Variants in ZNF536 observed in about 807,000 individuals in gnomAD.
The protein encoded by ZNF536 is zinc finger protein 536.
A neutral mutation model predicts 84.5 loss-of-function variants in ZNF536; 13 were observed. The ratio of observed to expected loss-of-function variants is 0.15; its 90% CI spans 0.10 to 0.24. ZNF536 has a LOEUF of 0.24. ZNF536 is among the 10% of genes least tolerant of loss of function. The probability of loss-of-function intolerance (pLI) is 1.00; values close to 1 mark genes in which losing one functional copy is unlikely to be tolerated. For synonymous variants in ZNF536, 811 were observed against 742.5 expected (o/e 1.09, Z -1.50); for missense variants, 1,536 against 1,747.5 (o/e 0.88, Z 2.16).
intron 1 of ZNF536, among the ~76,000 whole-genome samples, chr19:30,241,430 G>C (rs2023934815): frequency 6.6e-6 from 1 of 152,240 alleles, no homozygotes. Flanking sequence ...ATGGGAGTGG[G>C]GGTGGCTGTA....
intron 1 of ZNF536, among the ~76,000 whole-genome samples, chr19:30,440,366 G>A (rs1170931198): frequency 6.6e-6 from 1 of 152,072 alleles, no homozygotes; most frequent in African/African-American, 2.4e-5. Flanking sequence ...ATGGACTTGT[G>A]CGAAGGCTGA....
chr19:30,330,140 G>C (rs954434212), intron 2 of ZNF536, among the ~76,000 whole-genome samples: 3 of 152,056 alleles, frequency 2.0e-5, no homozygotes, highest in African/African-American at 4.8e-5. Flanking sequence ...CTTTGAGTTG[G>C]GTTAATATGG....
At chr19:30,230,060 T>C (rs73021604) in intron 1 of ZNF536, among the ~76,000 whole-genome samples, 23,831 of 152,216 alleles carry the variant, frequency 0.16, 1,940 homozygotes, top group Middle Eastern at 0.23. Flanking sequence ...GCAGGGACTC[T>C]GAGACCATTG....
At chr19:30,612,836 T>G (rs2048148767) in intron 1 of ZNF536, among the ~76,000 whole-genome samples, 1 of 152,206 alleles carries the variant, frequency 6.6e-6, no homozygotes, top group Admixed American at 6.5e-5. Context: ...TCTATAGACC[T>G]TGTTAAAATT....
chr19:30,316,616 C>T (rs2046685963), intron 2 of ZNF536, among the ~76,000 whole-genome samples: 1 of 152,100 alleles, frequency 6.6e-6, no homozygotes, highest in South Asian at 2.1e-4. Flanking sequence ...GGAGGGTTGG[C>T]TACAAAGACG....
intron 1 of ZNF536, among the ~76,000 whole-genome samples, chr19:30,582,429 G>A (rs1452843212): frequency 7.6e-6 from 1 of 131,454 alleles, no homozygotes; most frequent in South Asian, 2.4e-4. Flanking sequence ...TCACCCAGGT[G>A]CAAATGACCA....
intron 1 of ZNF536, among the ~76,000 whole-genome samples, chr19:30,248,745 C>G (rs1310819961): frequency 6.6e-6 from 1 of 152,120 alleles, no homozygotes; most frequent in African/African-American, 2.4e-5. Flanking sequence ...GTATGTCTGG[C>G]TTTTGACCTT....
intron 1 of ZNF536, among the ~76,000 whole-genome samples, chr19:30,389,088 G>A (rs1409071997): frequency 6.6e-6 from 1 of 152,248 alleles, no homozygotes; most frequent in African/African-American, 2.4e-5. Context: ...ACAAGACTGA[G>A]TGTCAGGCCT....
intron 1 of ZNF536, among the ~76,000 whole-genome samples, chr19:30,379,488 T>C (rs2048939896): frequency 6.6e-6 from 1 of 151,938 alleles, no homozygotes; most frequent in African/African-American, 2.4e-5. Flanking sequence ...GTGGGGTTGA[T>C]TCCTGTCGCC....
intron 1 of ZNF536, among the ~76,000 whole-genome samples, chr19:30,249,066 G>T (rs1041854160): frequency 1.3e-5 from 2 of 152,190 alleles, no homozygotes; most frequent in African/African-American, 4.8e-5. Flanking sequence ...AAGGATGCCT[G>T]TGGAGAAGTT....
chr19:30,476,897 T>C (rs2053870627), intron 2 of ZNF536, among the ~76,000 whole-genome samples: 1 of 151,914 alleles, frequency 6.6e-6, no homozygotes, highest in African/African-American at 2.4e-5. Context: ...TTTCTGTCAC[T>C]CCTCAGAATG....
rs557261627 is a variant in ZNF536, at chr19:30,397,803, A to G, written c.-3+25247A>G. Among the ~76,000 whole-genome samples the G allele has an allele frequency of 8.5e-5, 13 of 152,334 alleles. No individual in the cohort carries two copies. The South Asian group carries it at 2.5e-3, about 29-fold the overall frequency. The stretch of plus-strand genomic sequence containing the variant: ...GTCTGAAAAGACCCTCATCCCTACA[A>G]GAAAGTAACCAGTGTTCAGAAATAA... On this transcript the variant is annotated intron_variant, in intron 1 of 4. Coordinates refer to ENST00000355537, the MANE Select transcript of ZNF536 (RefSeq NM_014717.3).
chr19:30,537,818 G>A (rs757503815), intron 3 of ZNF536, among the ~76,000 whole-genome samples: 2 of 152,128 alleles, frequency 1.3e-5, no homozygotes, highest in African/African-American at 2.4e-5. Flanking sequence ...AAACTTCCTA[G>A]AATCAGAGAG....
chr19:30,391,481 C>T (rs2049587497), intron 1 of ZNF536, among the ~76,000 whole-genome samples: 1 of 152,152 alleles, frequency 6.6e-6, no homozygotes, highest in Non-Finnish European at 1.5e-5. Flanking sequence ...GAGGCTGAGG[C>T]AAGAGAATCT....
chr19:30,578,867 C>T (rs1361681948), intron 1 of ZNF536, among the ~76,000 whole-genome samples: 1 of 152,134 alleles, frequency 6.6e-6, no homozygotes, highest in African/African-American at 2.4e-5. Context: ...TGGGCAGGCT[C>T]ATTTGTACCT....
intron 1 of ZNF536, among the ~76,000 whole-genome samples, chr19:30,283,769 A>G (rs934086592): frequency 1.3e-5 from 2 of 152,118 alleles, no homozygotes; most frequent in African/African-American, 4.8e-5. Context: ...GAGAGCCCTT[A>G]TAATATTAGC....
At chr19:30,400,750 T>C (rs867926404) in intron 1 of ZNF536, among the ~76,000 whole-genome samples, 3 of 152,288 alleles carry the variant, frequency 2.0e-5, no homozygotes, top group Middle Eastern at 3.4e-3. Context: ...TTTCTACATA[T>C]TAGATATGAG....
chr19:30,378,886 C>G (rs2048913801), intron 1 of ZNF536, among the ~76,000 whole-genome samples: 1 of 152,188 alleles, frequency 6.6e-6, no homozygotes, highest in Non-Finnish European at 1.5e-5. Flanking sequence ...GTGCAAAACG[C>G]TGTGCCAGTG....
chr19:30,444,287 T>C lies in ZNF536; in HGVS notation c.725T>C (p.Leu242Pro), dbSNP rs1481304465. 6 of 1,572,876 alleles carry C rather than the reference T, an allele frequency of 3.8e-6. No individual in the cohort carries two copies. The highest frequency in any genetic ancestry group is 5.1e-6 in the Non-Finnish European group (6 of 1,167,262). ...QAPLAACTLA[L>P]QANHSVPDVA... ...CCGCTGGCCGCCTGCACCCTGGCCCTGCAGGCTAACCACAGCGTTCCCGAC... is the reference window on the plus strand; with the variant it reads ...CCGCTGGCCGCCTGCACCCTGGCCCCGCAGGCTAACCACAGCGTTCCCGAC... Residue 242 changes from leucine (L) to proline (P), a missense_variant, in exon 2 of 5, where the codon CTG becomes CCG. By Grantham distance (98) the Leu-to-Pro change is moderately conservative. Transcript: ENST00000355537.
Sources: allele counts gnomAD v4.1 joint callset (sites outside exome capture counted in the v4.1 genomes callset), GRCh38; gene constraint gnomAD v4.1.1; transcripts MANE v1.5; gene names NCBI Gene and HGNC (gene_info 2026-07-23, HGNC 2026-07-21).